Variants in ZNF652 observed in about 807,000 individuals in gnomAD.
ZNF652 encodes the protein zinc finger protein 652.
ZNF652 carries 16 observed loss-of-function variants against 45.2 expected under a neutral mutation model. The ratio of observed to expected loss-of-function variants is 0.35; its 90% confidence interval spans 0.24 to 0.54. ZNF652 has a LOEUF of 0.54. Ranked by LOEUF, ZNF652 falls within the 20% of genes least tolerant of loss-of-function variation. The pLI is 0.91. For synonymous variants in ZNF652, 250 were observed against 260.6 expected (o/e 0.96, Z 0.39); for missense variants, 614 against 765.6 (o/e 0.80, Z 2.34).
chr17:49,314,104 G>A (rs1260422422), intron 2 of ZNF652, among the ~76,000 whole-genome samples: 5 of 148,482 alleles, frequency 3.4e-5, no homozygotes, highest in African/African-American at 1.0e-4. Flanking sequence ...TTTCAAACAC[G>A]TCCCTCGGGC....
At chr17:49,337,367 A>G (rs539554903) in intron 1 of ZNF652, among the ~76,000 whole-genome samples, 182 of 151,746 alleles carry the variant, frequency 1.2e-3, no homozygotes, top group African/African-American at 4.2e-3. Context: ...AAAAAGAAAA[A>G]TTAAAGGCAA....
chr17:49,301,367 A>G (rs4794039), intron 5 of ZNF652, among the ~76,000 whole-genome samples: 34,832 of 152,052 alleles, frequency 0.23, 4,131 homozygotes, highest in South Asian at 0.32. Flanking sequence ...GCACGATCTC[A>G]GCTCACTGCA....
Position 49,312,748 on chromosome 17 carries a change from A to G in ZNF652, c.998T>C (p.Ile333Thr), listed in dbSNP as rs1186648687. 1.9e-6 allele frequency: 3 copies of G among 1,614,036 alleles called. No individual in the cohort carries two copies. In the Admixed American group the frequency reaches 5.0e-5, roughly 27 times the overall value. The change falls in exon 3 of 6, where the codon ATT becomes ACT. Residue 333 changes from isoleucine (I) to threonine (T), a missense_variant. Around this residue, in one of 5 missense-constraint regions of ZNF652, gnomAD observed 262 missense variants for 306.3 expected, o/e 0.86. Transcript: ENST00000430262. ...GYAEKKFSCE[I>T]CEKKFYTMAH... Reference sequence around the variant, plus strand: ...CATGGTATAGAATTTCTTCTCACAAATTTCACAGGAAAATTTCTTTTCTGC... The same window carrying G: ...CATGGTATAGAATTTCTTCTCACAAGTTTCACAGGAAAATTTCTTTTCTGC...
intron 1 of ZNF652, among the ~76,000 whole-genome samples, chr17:49,327,305 G>A (rs2069965898): frequency 6.6e-6 from 1 of 151,854 alleles, no homozygotes; most frequent in Non-Finnish European, 1.5e-5. Flanking sequence ...TGGGATTACA[G>A]GCGCCTGTCA....
intron 1 of ZNF652, among the ~76,000 whole-genome samples, chr17:49,347,740 G>GTTTTTTT (rs1181401090): frequency 2.2e-4 from 18 of 81,206 alleles, no homozygotes; most frequent in African/African-American, 2.8e-4. Context: ...CCTTGGTTTT[G>GTTTTTTT]TTTTTTTTTT....
chr17:49,343,453 A>C (rs571914692), intron 1 of ZNF652, among the ~76,000 whole-genome samples: 1 of 152,310 alleles, frequency 6.6e-6, no homozygotes, highest in South Asian at 2.1e-4. Context: ...GACAGAGCCC[A>C]AGAGGAAGTG....
In ZNF652 at chr17:49,298,318, A is replaced by G; in HGVS notation, c.*95T>C. On this transcript the variant is annotated 3_prime_UTR_variant, in exon 6 of 6. Transcript: ENST00000430262. ...GCGAAGCTCTTGGTAGAGGCGGAGGAGAGTCTGAGAACTAAGGAAATGCTC... is the reference window on the plus strand; with the variant it reads ...GCGAAGCTCTTGGTAGAGGCGGAGGGGAGTCTGAGAACTAAGGAAATGCTC... The G allele has an allele frequency of 6.8e-7, 1 of 1,479,782 alleles. No homozygotes were observed. Among genetic ancestry groups the G allele is most frequent in the Non-Finnish European group, 9.2e-7 (1 of 1,090,788 alleles). The allele number at this position is 1,479,782 out of a possible 1,614,324, so 91.7% of individuals were successfully genotyped here. A position where few individuals can be genotyped will look rare whatever the true frequency, so the allele number is the denominator to read the frequency against.
chr17:49,311,901 G>A (rs771308400), intron 4 of ZNF652, 26 bp downstream of exon 4: 2 of 1,583,140 alleles, frequency 1.3e-6, no homozygotes, highest in Admixed American at 3.4e-5. Context: ...CCCTAGGCCT[G>A]GGCCTGTAGG....
chr17:49,309,843 T>C, intron 5 of ZNF652, among the ~76,000 whole-genome samples: 1 of 152,194 alleles, frequency 6.6e-6, no homozygotes, highest in Admixed American at 6.5e-5. Context: ...TAGGTAGGCA[T>C]TTTTCTTTGG....
intron 5 of ZNF652, among the ~76,000 whole-genome samples, chr17:49,303,728 C>A (rs1251949083): frequency 2.0e-5 from 3 of 151,874 alleles, no homozygotes; most frequent in Non-Finnish European, 4.4e-5. Context: ...TGAGCAAATC[C>A]TCTCCACATT....
intron 5 of ZNF652, 26 bp from the exon 6 acceptor site, chr17:49,298,950 G>A (rs1302059486): frequency 3.2e-6 from 5 of 1,580,888 alleles, no homozygotes; most frequent in Non-Finnish European, 4.3e-6. Flanking sequence ...ACATAAAAAT[G>A]ATTAACATAT....
intron 2 of ZNF652, 127 bp downstream of exon 2, chr17:49,316,699 A>G: frequency 9.6e-7 from 1 of 1,037,796 alleles, no homozygotes; most frequent in East Asian, 2.5e-5. Flanking sequence ...GGAGCTTTTC[A>G]AATGATAAAT....
At position 49,295,647 on chromosome 17, in the gene ZNF652, C is replaced by T. The variant is rs1370004091; in HGVS notation, c.*2766G>A. The T allele has an allele frequency of 1.3e-5, 2 of 152,138 alleles. No homozygotes were observed. Among genetic ancestry groups the T allele is most frequent in the East Asian group, 3.9e-4 (2 of 5,184 alleles). The allele number at this position is 152,138 out of a possible 1,614,324, so 9.4% of individuals were successfully genotyped here. A position where few individuals can be genotyped will look rare whatever the true frequency, so the allele number is the denominator to read the frequency against. ...CCCAATACTGTAAATTTATTCAGAA[C>T]AAAATAAGGCAGTTGGACGTGGTGG... On this transcript the variant is annotated 3_prime_UTR_variant, in exon 6 of 6. Coordinates refer to ENST00000430262, the MANE Select transcript of ZNF652 (RefSeq NM_001145365.3).
intron 1 of ZNF652, among the ~76,000 whole-genome samples, chr17:49,354,573 T>C (rs528990476): frequency 1.4e-5 from 2 of 145,858 alleles, no homozygotes; most frequent in East Asian, 4.0e-4. Flanking sequence ...ATCACGCCAC[T>C]GCACCTCAGC....
chr17:49,304,586 G>T (rs986673788), intron 5 of ZNF652, among the ~76,000 whole-genome samples: 2 of 152,046 alleles, frequency 1.3e-5, no homozygotes, highest in Non-Finnish European at 2.9e-5. Context: ...GTGGCAAGAA[G>T]ATATAGTAAC....
In ZNF652 at chr17:49,297,680, T is replaced by C. The variant is rs1033441470; in HGVS notation, c.*733A>G. 1 of 152,658 alleles carries C rather than the reference T, an allele frequency of 6.6e-6. No homozygotes were observed. Among genetic ancestry groups the C allele is most frequent in the Admixed American group, 6.5e-5 (1 of 15,274 alleles). 9.5% of individuals were successfully genotyped at this position (152,658 alleles called of 1,614,324 possible). A position where few individuals can be genotyped will look rare whatever the true frequency, so the allele number is the denominator to read the frequency against. The stretch of plus-strand genomic sequence containing the variant: ...CGGATGTAAGAATAGCTTTGAATTA[T>C]AGAAGTTATATGCATCTTTAAGAAT... On this transcript the variant is annotated 3_prime_UTR_variant, in exon 6 of 6. Coordinates refer to ENST00000430262, the MANE Select transcript of ZNF652 (RefSeq NM_001145365.3).
chr17:49,361,474 T>C (rs527924752), intron 1 of ZNF652, among the ~76,000 whole-genome samples: 394 of 151,470 alleles, frequency 2.6e-3, no homozygotes, highest in African/African-American at 9.2e-3. Flanking sequence ...CTCCCGGGGG[T>C]TGGAGGTTTG....
At position 49,307,366 on chromosome 17, in the gene ZNF652, G is replaced by A. The variant is rs910432020; in HGVS notation, c.1309+3946C>T. Reference sequence around the variant, plus strand: ...GAATCACTTGAACCTGGGAGGTGGAGGTTGCAGTGAACCGAGATCGGGCCA... The same window carrying A: ...GAATCACTTGAACCTGGGAGGTGGAAGTTGCAGTGAACCGAGATCGGGCCA... On this transcript the variant is annotated intron_variant, in intron 5 of 5. Transcript: ENST00000430262. Among the ~76,000 whole-genome samples, 4 of 149,318 alleles carry A rather than the reference G, an allele frequency of 2.7e-5. No homozygotes were observed. The Admixed American group carries it at 2.7e-4, about 10-fold the overall frequency.
At chr17:49,325,773 G>A (rs1367622107) in intron 1 of ZNF652, among the ~76,000 whole-genome samples, 7 of 152,138 alleles carry the variant, frequency 4.6e-5, no homozygotes, top group Non-Finnish European at 7.3e-5. Context: ...AGTGAGCCAA[G>A]ACTGTGCCAC....
Sources: allele counts gnomAD v4.1 joint callset (sites outside exome capture counted in the v4.1 genomes callset), GRCh38; gene constraint gnomAD v4.1.1; regional missense constraint gnomAD v4.1.1; transcripts MANE v1.5; gene names NCBI Gene and HGNC (gene_info 2026-07-23, HGNC 2026-07-21).